RBMS3: variants seen among roughly 807,000 people sequenced by gnomAD.
RBMS3 encodes the protein RNA binding motif single stranded interacting protein 3.
RBMS3 carries 27 observed loss-of-function variants against 66.8 expected under a neutral mutation model. That is an observed-to-expected ratio of 0.40 (90% CI 0.30 to 0.56). The LOEUF is 0.56. Among genes scored for constraint, RBMS3 ranks in the 20% least tolerant of loss-of-function variants. The probability of loss-of-function intolerance (pLI) is 0.40; values close to 1 mark genes in which losing one functional copy is unlikely to be tolerated. For missense variants in RBMS3, 513 were observed against 549.5 expected (o/e 0.93, Z 0.66); for synonymous variants, 188 against 183.0 (o/e 1.03, Z -0.22).
At chr3:29,320,875 AGT>A (rs1454370096) in intron 1 of RBMS3, among the ~76,000 whole-genome samples, 1 of 152,012 alleles carries the variant, frequency 6.6e-6, no homozygotes, top group East Asian at 1.9e-4. Context: ...TAAACTTTGA[AGT>A]CAGAGAGGAC....
At chr3:29,524,509 TC>T (rs1335819183) in intron 3 of RBMS3, among the ~76,000 whole-genome samples, 6 of 134,086 alleles carry the variant, frequency 4.5e-5, no homozygotes, top group Non-Finnish European at 7.8e-5. Flanking sequence ...TTTACCACAA[TC>T]TCCGCCTCCC....
At chr3:29,432,802 C>A (rs540139162) in intron 1 of RBMS3, among the ~76,000 whole-genome samples, 2 of 152,036 alleles carry the variant, frequency 1.3e-5, no homozygotes, top group Admixed American at 6.6e-5. Context: ...TAGAGCCAGC[C>A]GAGTAGAGTG....
intron 12 of RBMS3, among the ~76,000 whole-genome samples, chr3:29,986,027 C>A (rs1440291181): frequency 6.6e-6 from 1 of 152,104 alleles, no homozygotes; most frequent in Non-Finnish European, 1.5e-5. Flanking sequence ...CCAGTGACAT[C>A]CTCTTATGCA....
chr3:29,498,003 TTTTTTTTGG>T (rs2043824566), intron 3 of RBMS3, among the ~76,000 whole-genome samples: 3 of 109,266 alleles, frequency 2.7e-5, no homozygotes, highest in East Asian at 3.1e-4. Context: ...TTTTTTTTTT[TTTTTTTTGG>T]GAGACAGAGT....
At position 29,340,925 on chromosome 3, in the gene RBMS3, G is replaced by A. The variant is rs1388362406; in HGVS notation, c.75+59169G>A. Among the ~76,000 whole-genome samples, 3 of 151,790 alleles carry A rather than the reference G, an allele frequency of 2.0e-5. No homozygotes were observed. In the East Asian group the frequency reaches 5.8e-4, roughly 29 times the overall value. On this transcript the variant is annotated intron_variant, in intron 1 of 14. Transcript: ENST00000383767. ...TAATAGATAAAATGCTATCTGTAAT[G>A]CTTTTTAAATTAATTTAAACTTAGT...
intron 6 of RBMS3, among the ~76,000 whole-genome samples, chr3:29,816,311 GAC>G (rs66518208): frequency 0.057 from 3,910 of 68,890 alleles, 60 homozygotes; most frequent in African/African-American, 0.095. Flanking sequence ...GACACACACA[GAC>G]ACACACACAC....
chr3:29,434,882 C>T lies in RBMS3; in HGVS notation c.215C>T (p.Thr72Ile). ...TACATTCGAGGCCTCCCACCAGGCA[C>T]CACTGACCAGGACCTAATCAAGCTG... is the stretch of plus-strand genomic sequence containing the variant. ...NLYIRGLPPG[T>I]TDQDLIKLCQ... The change falls in exon 2 of 15, where the codon ACC (threonine) becomes ATC (isoleucine). Residue 72 changes from threonine to isoleucine, a missense_variant. Physicochemically the swap from Thr to Ile is moderately conservative, Grantham distance 89. Coordinates refer to ENST00000383767, the MANE Select transcript of RBMS3 (RefSeq NM_001003793.3). 6.2e-7 allele frequency: 1 copy of T among 1,614,046 alleles called. No individual in the cohort carries two copies. The highest frequency in any genetic ancestry group is 1.3e-5 in the African/African-American group (1 of 75,034).
chr3:29,840,967 C>T lies in RBMS3; in HGVS notation c.638-27891C>T, dbSNP rs138234897. On this transcript the variant is annotated intron_variant, in intron 6 of 14. Transcript: ENST00000383767. ...AGATTCTGTAAATGTTTAATTTCAC[C>T]AAAACAATACAAACTCTTGTTTCCT... Among the ~76,000 whole-genome samples the T allele has an allele frequency of 2.8e-3, 428 of 151,816 alleles. 2 individuals carry two copies. Among genetic ancestry groups the T allele is most frequent in the African/African-American group, 9.9e-3 (410 of 41,470 alleles).
In RBMS3 at chr3:29,325,645, T is replaced by TACACAC. The variant is rs139930927; in HGVS notation, c.75+43903_75+43908dup. On this transcript the variant is annotated intron_variant, in intron 1 of 14. Transcript: ENST00000383767. Reference sequence around the variant, plus strand: ...ATATATGTATGTATATATATACACATACACACACACACACACACATACACA... The same window carrying TACACAC: ...ATATATGTATGTATATATATACACATACACACACACACACACACACACACATACACA... Among the ~76,000 whole-genome samples, 1,256 of 146,792 alleles carry TACACAC rather than the reference T, an allele frequency of 8.6e-3. 12 individuals carry two copies. Among genetic ancestry groups the TACACAC allele is most frequent in the African/African-American group, 0.023 (925 of 39,656 alleles).
intron 4 of RBMS3, among the ~76,000 whole-genome samples, chr3:29,623,889 A>C (rs747954122): frequency 6.6e-6 from 1 of 152,230 alleles, no homozygotes; most frequent in Non-Finnish European, 1.5e-5. Context: ...CAGTGGAAGC[A>C]AAAGAATTTT....
At chr3:29,484,445 G>C (rs892810577) in intron 2 of RBMS3, among the ~76,000 whole-genome samples, 7 of 152,036 alleles carry the variant, frequency 4.6e-5, no homozygotes, top group African/African-American at 1.4e-4. Flanking sequence ...CTGCTTATAA[G>C]GACAACAATC....
chr3:29,808,164 A>AT (rs999384517), intron 6 of RBMS3, among the ~76,000 whole-genome samples: 7 of 151,934 alleles, frequency 4.6e-5, no homozygotes, highest in Middle Eastern at 6.8e-3. Context: ...ACTTGGGACC[A>AT]TTTTTGTTGT....
At chr3:29,581,947 G>A (rs1220756452) in intron 3 of RBMS3, among the ~76,000 whole-genome samples, 1 of 152,026 alleles carries the variant, frequency 6.6e-6, no homozygotes, top group South Asian at 2.1e-4. Flanking sequence ...TTTAAATAGA[G>A]AACTTAAGGA....
At chr3:29,547,338 TTCATTATCAC>T (rs1483282294) in intron 3 of RBMS3, among the ~76,000 whole-genome samples, 7 of 152,314 alleles carry the variant, frequency 4.6e-5, no homozygotes, top group Non-Finnish European at 1.0e-4. Context: ...ATAATTATCA[TTCATTATCAC>T]TCATTATCAC....
chr3:29,774,763 A>C (rs1445525469), intron 6 of RBMS3, among the ~76,000 whole-genome samples: 11 of 152,202 alleles, frequency 7.2e-5, no homozygotes, highest in Admixed American at 6.6e-5. Context: ...ATGGAAGCAA[A>C]TGTTAGAATC....
intron 4 of RBMS3, among the ~76,000 whole-genome samples, chr3:29,674,779 C>G (rs147537723): frequency 0.027 from 4,066 of 149,378 alleles, 78 homozygotes; most frequent in Admixed American, 0.063. Context: ...GAAGAACATT[C>G]CATGCTCATG....
At chr3:29,421,327 G>C (rs1207508546) in intron 1 of RBMS3, among the ~76,000 whole-genome samples, 1 of 152,012 alleles carries the variant, frequency 6.6e-6, no homozygotes, top group East Asian at 1.9e-4. Context: ...CTTATGACTT[G>C]TTAGAAATTC....
At chr3:29,584,511 A>G (rs1036086967) in intron 3 of RBMS3, among the ~76,000 whole-genome samples, 3 of 152,026 alleles carry the variant, frequency 2.0e-5, no homozygotes, top group Non-Finnish European at 2.9e-5. Context: ...TGACATTTCT[A>G]TTTAGATGTC....
At chr3:29,466,623 T>C (rs2042553636) in intron 2 of RBMS3, among the ~76,000 whole-genome samples, 1 of 152,136 alleles carries the variant, frequency 6.6e-6, no homozygotes, top group South Asian at 2.1e-4. Context: ...GAGATTAATA[T>C]CATGGTGTAC....
Sources: allele counts gnomAD v4.1 joint callset (sites outside exome capture counted in the v4.1 genomes callset), GRCh38; gene constraint gnomAD v4.1.1; transcripts MANE v1.5; gene names NCBI Gene and HGNC (gene_info 2026-07-23, HGNC 2026-07-21).